The following SLC16A14 variants were observed in gnomAD, a reference collection of about 807,000 sequenced individuals.
The protein encoded by SLC16A14 is solute carrier family 16 member 14, also known as monocarboxylate transporter 14.
In SLC16A14, 14 loss-of-function variants were observed where a neutral mutation model predicts 35.8. The observed-to-expected ratio is 0.39, with a 90% CI of 0.26 to 0.61. The LOEUF is 0.61. SLC16A14 is among the 20% of genes least tolerant of loss of function. SLC16A14 has a pLI of 0.51. For missense variants in SLC16A14, 533 were observed against 655.0 expected (o/e 0.81, Z 2.03); for synonymous variants, 248 against 258.9 (o/e 0.96, Z 0.40).
intron 1 of SLC16A14, among the ~76,000 whole-genome samples, chr2:230,067,634 G>A (rs1437037253): frequency 2.0e-5 from 3 of 151,298 alleles, no homozygotes; most frequent in African/African-American, 4.9e-5. Flanking sequence ...ACAAGGCAAA[G>A]GAGAATCTCT....
In SLC16A14 at chr2:230,046,700, G is replaced by A. The variant is rs145212680; in HGVS notation, c.426C>T (p.Tyr142=). 1.5e-4 allele frequency: 238 copies of A among 1,600,176 alleles called. No homozygotes were observed. The highest frequency in any genetic ancestry group is 8.2e-4 in the Middle Eastern group (5 of 6,080). The change falls in exon 4 of 5, where the codon TAC becomes TAT. Residue 142 remains tyrosine (Y), a synonymous_variant. Coordinates refer to ENST00000295190, the MANE Select transcript of SLC16A14 (RefSeq NM_152527.5). The surrounding 1 kb of genome is among the most constrained non-coding windows in gnomAD (Gnocchi z 5.0). ...TGCCCACCATGACCACCGCTGGCAGGTAGGCCATCCCGCTGCCCAGGCCTG... is the reference window on the plus strand; with the variant it reads ...TGCCCACCATGACCACCGCTGGCAGATAGGCCATCCCGCTGCCCAGGCCTG... ...VAAGLGSGMA[Y]LPAVVMVGRY...
At chr2:230,052,081 C>T (rs192241818) in intron 2 of SLC16A14, among the ~76,000 whole-genome samples, 6 of 151,946 alleles carry the variant, frequency 3.9e-5, no homozygotes, top group East Asian at 1.9e-4. Flanking sequence ...GGACTACAGG[C>T]GCACGCCACC....
intron 1 of SLC16A14, among the ~76,000 whole-genome samples, chr2:230,063,987 A>C (rs1223179687): frequency 1.3e-5 from 2 of 151,918 alleles, no homozygotes; most frequent in African/African-American, 4.8e-5. Flanking sequence ...GGTCCCAGCT[A>C]CCTGGAGGCA....
intron 2 of SLC16A14, among the ~76,000 whole-genome samples, chr2:230,055,675 T>G (rs1175486341): frequency 6.6e-6 from 1 of 152,196 alleles, no homozygotes; most frequent in Non-Finnish European, 1.5e-5. Flanking sequence ...TCAGAACTAG[T>G]TTCTGTTGCT....
At chr2:230,044,324 A>T (rs1033839623) in intron 4 of SLC16A14, among the ~76,000 whole-genome samples, 5 of 151,848 alleles carry the variant, frequency 3.3e-5, no homozygotes, top group African/African-American at 1.2e-4. Context: ...AAAAAAAAAA[A>T]AAAATTAGCT....
rs1481190911 is a variant in SLC16A14, at chr2:230,036,827, G to T, written c.*553C>A. 1 of 152,158 alleles carries T rather than the reference G, an allele frequency of 6.6e-6. No homozygotes were observed. The highest frequency in any genetic ancestry group is 2.4e-5 in the African/African-American group (1 of 41,422). 9.4% of individuals were successfully genotyped at this position (152,158 alleles called of 1,614,324 possible). A position where few individuals can be genotyped will look rare whatever the true frequency, so the allele number is the denominator to read the frequency against. ...ATTCCCTCATAAAAATACAAGCCGT[G>T]TTTCTTTAATTGCACTAAATTGTAT... On this transcript the variant is annotated 3_prime_UTR_variant, in exon 5 of 5. Transcript: ENST00000295190.
At position 230,068,874 on chromosome 2, in the gene SLC16A14, C is replaced by G. The variant is rs574147952; in HGVS notation, c.-334G>C. 6.6e-6 allele frequency: 1 copy of G among 152,404 alleles called. No individual in the cohort carries two copies. Among genetic ancestry groups the G allele is most frequent in the East Asian group, 1.9e-4 (1 of 5,174 alleles). The allele number at this position is 152,404 out of a possible 1,614,324, so 9.4% of individuals were successfully genotyped here. On this transcript the variant is annotated 5_prime_UTR_variant, in exon 1 of 5. Transcript: ENST00000295190. This position sits in a 1 kb window ranked among gnomAD's most constrained non-coding sequence, Gnocchi z 5.1. ...AACCTAACCTGGGCTTCCTTCCAAT[C>G]GGAGCAATTTCAAATCTTCATGCTC...
At chr2:230,067,345 T>G (rs987236429) in intron 1 of SLC16A14, 2 of 152,364 alleles carry the variant, frequency 1.3e-5, no homozygotes, top group Non-Finnish European at 2.9e-5. Flanking sequence ...GCTTGGTGGC[T>G]TCTCCTCCAG....
rs150400766 is a variant in SLC16A14, at chr2:230,047,238, C to T, written c.404-516G>A. On this transcript the variant is annotated intron_variant, in intron 3 of 4. Coordinates refer to ENST00000295190, the MANE Select transcript of SLC16A14 (RefSeq NM_152527.5). ...CCTCGCCTATAACACAAAAATCCCA[C>T]TGCTAGCCCTATTCACGGGACTATT... Among the ~76,000 whole-genome samples the T allele has an allele frequency of 5.3e-5, 8 of 152,084 alleles. No individual in the cohort carries two copies. The South Asian group carries it at 8.3e-4, about 16-fold the overall frequency.
At chr2:230,039,964 C>T (rs1465849098) in intron 4 of SLC16A14, among the ~76,000 whole-genome samples, 2 of 152,078 alleles carry the variant, frequency 1.3e-5, no homozygotes, top group African/African-American at 4.8e-5. Flanking sequence ...TGATGTGGCC[C>T]CTGCCTACAT....
chr2:230,036,409 T>C lies in SLC16A14; in HGVS notation c.*971A>G, dbSNP rs1279348573. 1 of 152,264 alleles carries C rather than the reference T, an allele frequency of 6.6e-6. No homozygotes were observed. Among genetic ancestry groups the C allele is most frequent in the Non-Finnish European group, 1.5e-5 (1 of 68,044 alleles). 9.4% of individuals were successfully genotyped at this position (152,264 alleles called of 1,614,324 possible). ...GGCACAGACATCTACACTAATGGCA[T>C]TCCATTTATTATCCTCACAAATTGA... is the stretch of plus-strand genomic sequence containing the variant. On this transcript the variant is annotated 3_prime_UTR_variant, in exon 5 of 5. Transcript: ENST00000295190.
chr2:230,042,088 C>T (rs1006558563), intron 4 of SLC16A14, among the ~76,000 whole-genome samples: 3 of 152,190 alleles, frequency 2.0e-5, no homozygotes, highest in African/African-American at 7.2e-5. Context: ...CTTTAGCTTG[C>T]TGGCCTAGAC....
intron 4 of SLC16A14, among the ~76,000 whole-genome samples, chr2:230,042,798 T>A (rs775308285): frequency 2.0e-5 from 3 of 152,188 alleles, no homozygotes; most frequent in Non-Finnish European, 2.9e-5. Context: ...CTGTGTGATA[T>A]AGTTCTGGCC....
At chr2:230,040,910 T>C (rs565592362) in intron 4 of SLC16A14, among the ~76,000 whole-genome samples, 59 of 152,266 alleles carry the variant, frequency 3.9e-4, no homozygotes, top group African/African-American at 1.3e-3. Flanking sequence ...TGACACAACT[T>C]TTTCAGAGAG....
chr2:230,044,944 T>C (rs548936323), intron 4 of SLC16A14, among the ~76,000 whole-genome samples: 1 of 152,202 alleles, frequency 6.6e-6, no homozygotes, highest in East Asian at 1.9e-4. Context: ...AGGAAGCGAA[T>C]GTAGGGCTGG....
At chr2:230,058,708 C>T (rs1271468776) in intron 2 of SLC16A14, among the ~76,000 whole-genome samples, 1 of 152,138 alleles carries the variant, frequency 6.6e-6, no homozygotes, top group African/African-American at 2.4e-5. Flanking sequence ...TCTCAGCTCA[C>T]TGCAACCTCC....
At chr2:230,050,944 C>A (rs978656313) in intron 2 of SLC16A14, among the ~76,000 whole-genome samples, 1 of 152,084 alleles carries the variant, frequency 6.6e-6, no homozygotes, top group Middle Eastern at 3.2e-3. Context: ...CATGAGGATA[C>A]CCAGATTGAA....
chr2:230,062,335 T>G (rs1458738957), intron 1 of SLC16A14, among the ~76,000 whole-genome samples: 1 of 149,362 alleles, frequency 6.7e-6, no homozygotes, highest in African/African-American at 2.5e-5. Context: ...AAGAATTTTT[T>G]GTTTGTTTTT....
At chr2:230,041,883 G>A (rs765017145) in intron 4 of SLC16A14, among the ~76,000 whole-genome samples, 4 of 152,134 alleles carry the variant, frequency 2.6e-5, no homozygotes, top group South Asian at 4.1e-4. Flanking sequence ...ATTTAGTCAC[G>A]CATGTTGCCA....
Sources: allele counts gnomAD v4.1 joint callset (sites outside exome capture counted in the v4.1 genomes callset), GRCh38; gene constraint gnomAD v4.1.1; non-coding constraint Gnocchi (gnomAD v3.1); transcripts MANE v1.5; gene names NCBI Gene and HGNC (gene_info 2026-07-23, HGNC 2026-07-21).